The following MACROD2 variants were observed in gnomAD, a reference collection of about 807,000 sequenced individuals.
MACROD2 encodes the protein ADP-ribose glycohydrolase MACROD2.
MACROD2 carries 36 observed loss-of-function variants against 70.4 expected under a neutral mutation model. The ratio of observed to expected loss-of-function variants is 0.51; its 90% CI spans 0.39 to 0.68. The LOEUF (loss-of-function observed/expected upper bound fraction) is 0.68. Ranked by LOEUF, MACROD2 falls within the 30% of genes least tolerant of loss-of-function variation. MACROD2 has a pLI of 0.00. For synonymous variants in MACROD2, 172 were observed against 178.8 expected, an observed-to-expected ratio of 0.96 and a Z score of 0.30; for missense variants, 496 against 538.4, an observed-to-expected ratio of 0.92 and a Z score of 0.78.
At chr20:14,493,315 A>G (rs1377327686) in intron 3 of MACROD2, among the ~76,000 whole-genome samples, 164 bp from the exon 4 acceptor site, 1 of 152,060 alleles carries the variant, frequency 6.6e-6, no homozygotes, top group Non-Finnish European at 1.5e-5. Context: ...TCAAACTCTC[A>G]TAAAATAGTA....
intron 2 of MACROD2, among the ~76,000 whole-genome samples, chr20:14,045,071 C>A (rs1274338493): frequency 6.6e-6 from 1 of 152,228 alleles, no homozygotes; most frequent in Non-Finnish European, 1.5e-5. Context: ...CGGCTTGCCG[C>A]TCCGAGTGCG....
chr20:14,648,621 C>CATATATATATATATATAT (rs753035871), intron 4 of MACROD2, among the ~76,000 whole-genome samples: 136 of 148,754 alleles, frequency 9.1e-4, no homozygotes, highest in African/African-American at 2.3e-3. Flanking sequence ...TTTATTTAAA[C>CATATATATATATATATAT]ATATATATAT....
chr20:15,126,211 A>G (rs1281177212), intron 5 of MACROD2, among the ~76,000 whole-genome samples: 1 of 149,540 alleles, frequency 6.7e-6, no homozygotes, highest in Admixed American at 6.7e-5. Context: ...TCCTGCATAT[A>G]CACCTAGGAA....
intron 7 of MACROD2, among the ~76,000 whole-genome samples, chr20:15,479,498 C>T (rs2146450749): frequency 6.6e-6 from 1 of 151,990 alleles, no homozygotes; most frequent in Non-Finnish European, 1.5e-5. Context: ...TGGTCTCGAT[C>T]TCCTGACCTC....
intron 3 of MACROD2, among the ~76,000 whole-genome samples, chr20:14,204,946 G>C (rs2081510940): frequency 6.6e-6 from 1 of 152,008 alleles, no homozygotes; most frequent in African/African-American, 2.4e-5. Context: ...ACATAACTAT[G>C]GATTAGAGAG....
At chr20:14,129,761 C>T (rs144237257) in intron 3 of MACROD2, among the ~76,000 whole-genome samples, 15 of 152,278 alleles carry the variant, frequency 9.9e-5, no homozygotes, top group African/African-American at 2.6e-4. Flanking sequence ...CATCAAGCCA[C>T]GACCTTCTAC....
At chr20:14,097,108 G>A (rs532471312) in intron 3 of MACROD2, among the ~76,000 whole-genome samples, 13 of 152,182 alleles carry the variant, frequency 8.5e-5, no homozygotes, top group Non-Finnish European at 1.9e-4. Flanking sequence ...ATTATGGGTA[G>A]TAGGTGTGTA....
chr20:15,185,346 A>T (rs1404266715), intron 5 of MACROD2, among the ~76,000 whole-genome samples: 1 of 152,176 alleles, frequency 6.6e-6, no homozygotes, highest in African/African-American at 2.4e-5. Context: ...ATGCCTCGAA[A>T]TGTCTATGGT....
intron 3 of MACROD2, among the ~76,000 whole-genome samples, chr20:14,354,492 C>T (rs2083154829): frequency 6.6e-6 from 1 of 152,050 alleles, no homozygotes; most frequent in African/African-American, 2.4e-5. Flanking sequence ...TATATCCTAG[C>T]AGTTTTTAAA....
intron 3 of MACROD2, among the ~76,000 whole-genome samples, chr20:14,185,529 G>A (rs1024643631): frequency 2.4e-4 from 36 of 152,202 alleles, no homozygotes; most frequent in African/African-American, 8.4e-4. Context: ...TACACTGCTG[G>A]ATGCTGAGGA....
At chr20:14,003,094 AC>A (rs1281196065) in intron 2 of MACROD2, among the ~76,000 whole-genome samples, 1 of 152,372 alleles carries the variant, frequency 6.6e-6, no homozygotes, top group East Asian at 1.9e-4. Flanking sequence ...TGAAGTTTAG[AC>A]AAACGGTGCT....
At chr20:16,019,498 A>G (rs573702557) in intron 15 of MACROD2, among the ~76,000 whole-genome samples, 4 of 152,270 alleles carry the variant, frequency 2.6e-5, no homozygotes, top group African/African-American at 7.2e-5. Flanking sequence ...CATTCACTGG[A>G]GACTTTCCTT....
At chr20:14,013,674 CTTTT>C (rs34386274) in intron 2 of MACROD2, among the ~76,000 whole-genome samples, 2 of 70,942 alleles carry the variant, frequency 2.8e-5, no homozygotes, top group South Asian at 7.1e-4. Flanking sequence ...TTATATTAAG[CTTTT>C]TTTTTTTTTT....
intron 5 of MACROD2, among the ~76,000 whole-genome samples, chr20:15,123,331 AGCT>A: frequency 6.6e-6 from 1 of 152,270 alleles, no homozygotes; most frequent in East Asian, 1.9e-4. Flanking sequence ...GATAGCATAG[AGCT>A]GCCACATCAA....
intron 3 of MACROD2, among the ~76,000 whole-genome samples, chr20:14,307,047 A>ACACACAC (rs58286044): frequency 6.9e-6 from 1 of 145,610 alleles, no homozygotes; most frequent in Non-Finnish European, 1.5e-5. Context: ...ACACACACAC[A>ACACACAC]ATTGACTGTT....
chr20:14,515,442 G>T (rs2085081459), intron 4 of MACROD2, among the ~76,000 whole-genome samples: 2 of 85,652 alleles, frequency 2.3e-5, no homozygotes, highest in South Asian at 3.5e-4. Flanking sequence ...AATGAATAAA[G>T]AATATGTGAG....
At chr20:15,318,000 A>G (rs937971153) in intron 6 of MACROD2, among the ~76,000 whole-genome samples, 1 of 152,142 alleles carries the variant, frequency 6.6e-6, no homozygotes, top group Non-Finnish European at 1.5e-5. Context: ...AGATCCTTGA[A>G]AAGATCAACA....
intron 8 of MACROD2, among the ~76,000 whole-genome samples, chr20:15,581,175 T>G (rs1237976750): frequency 6.6e-6 from 1 of 152,206 alleles, no homozygotes; most frequent in Admixed American, 6.5e-5. Flanking sequence ...CCTTGAGGCT[T>G]CTTTTTCAGT....
chr20:14,003,667 C>T (rs1417086086), intron 2 of MACROD2: 1 of 453,968 alleles, frequency 2.2e-6, no homozygotes, highest in African/African-American at 2.1e-5. Context: ...AAGCCAGAGC[C>T]ACCTGCATTG....
Sources: allele counts gnomAD v4.1 joint callset (sites outside exome capture counted in the v4.1 genomes callset), GRCh38; gene constraint gnomAD v4.1.1; transcripts MANE v1.5; gene names NCBI Gene and HGNC (gene_info 2026-07-23, HGNC 2026-07-21).